CCDC92B: variants seen among roughly 807,000 people sequenced by gnomAD.
CCDC92B encodes the protein coiled-coil domain containing 92B.
In CCDC92B, 2 loss-of-function variants were observed where a neutral mutation model predicts 5.6. The observed-to-expected ratio is 0.36, with a 90% confidence interval of 0.15 to 1.12. The LOEUF (loss-of-function observed/expected upper bound fraction) is 1.12. Among genes scored for constraint, CCDC92B ranks in the 50% most tolerant of loss-of-function variants. The pLI, the probability that CCDC92B is intolerant of heterozygous loss-of-function variation, is 0.40. For missense variants in CCDC92B, 271 were observed against 262.2 expected, an observed-to-expected ratio of 1.03 and a Z score of -0.23; for synonymous variants, 115 against 122.3, an observed-to-expected ratio of 0.94 and a Z score of 0.39.
intron 3 of CCDC92B, 45 bp downstream of exon 3, chr17:2,730,401 C>T: frequency 1.0e-6 from 1 of 974,208 alleles, no homozygotes; most frequent in Non-Finnish European, 1.2e-6. Flanking sequence ...AAAACTCCAG[C>T]TGTTGGGCCC....
intron 1 of CCDC92B, among the ~76,000 whole-genome samples, chr17:2,736,279 T>C (rs544409200): frequency 5.9e-5 from 9 of 151,978 alleles, no homozygotes; most frequent in African/African-American, 1.7e-4. Flanking sequence ...ATACAAAAAT[T>C]AGCCAGGCTT....
intron 1 of CCDC92B, among the ~76,000 whole-genome samples, chr17:2,744,937 C>T (rs376366396): frequency 6.6e-6 from 1 of 151,688 alleles, no homozygotes; most frequent in African/African-American, 2.4e-5. Context: ...GGCGTGGTGG[C>T]GTGTGCCTGT....
chr17:2,730,967 G>C (rs1230486014), intron 2 of CCDC92B, among the ~76,000 whole-genome samples: 2 of 152,218 alleles, frequency 1.3e-5, no homozygotes, highest in Admixed American at 1.3e-4. Context: ...GGCAGGCTCG[G>C]CAGTGGCTAC....
intron 1 of CCDC92B, chr17:2,748,436 G>A (rs939022433): frequency 1.1e-6 from 1 of 915,622 alleles, no homozygotes; most frequent in Non-Finnish European, 1.3e-6. Flanking sequence ...TTTGTTCTGT[G>A]TGTGTGTGTG....
intron 3 of CCDC92B, 147 bp downstream of exon 3, chr17:2,730,299 G>T: frequency 3.9e-6 from 1 of 258,716 alleles, no homozygotes; most frequent in Non-Finnish European, 6.0e-6. Flanking sequence ...AAGTGTGGCT[G>T]ACATCCTGCA....
At chr17:2,725,501 C>G (rs2070718461) in intron 3 of CCDC92B, among the ~76,000 whole-genome samples, 1 of 151,710 alleles carries the variant, frequency 6.6e-6, no homozygotes, top group African/African-American at 2.4e-5. Flanking sequence ...CCTTGTTCCG[C>G]CCTCGTACCT....
intron 3 of CCDC92B, among the ~76,000 whole-genome samples, chr17:2,726,212 C>G (rs1180069304): frequency 6.6e-6 from 1 of 150,614 alleles, no homozygotes; most frequent in African/African-American, 2.4e-5. Context: ...GAGTCTTGCT[C>G]TCTCGCCCAG....
intron 1 of CCDC92B, among the ~76,000 whole-genome samples, chr17:2,744,469 G>A (rs1316227214): frequency 6.6e-6 from 1 of 152,150 alleles, no homozygotes; most frequent in Non-Finnish European, 1.5e-5. Context: ...TGGGATTACA[G>A]GCATGACCTC....
chr17:2,742,854 T>G (rs575561244), intron 1 of CCDC92B, among the ~76,000 whole-genome samples: 6 of 152,298 alleles, frequency 3.9e-5, no homozygotes, highest in Non-Finnish European at 7.4e-5. Context: ...ATAAACCACA[T>G]TGCTGTTTGC....
chr17:2,723,860 C>T lies in CCDC92B; in HGVS notation c.*551G>A. 4 of 700,512 alleles carry T rather than the reference C, an allele frequency of 5.7e-6. No individual in the cohort carries two copies. Among genetic ancestry groups the T allele is most frequent in the Non-Finnish European group, 7.0e-6 (4 of 569,028 alleles). The allele number at this position is 700,512 out of a possible 1,614,324, so 43.4% of individuals were successfully genotyped here. On this transcript the variant is annotated 3_prime_UTR_variant, in exon 4 of 4. Coordinates refer to ENST00000614400, the MANE Select transcript of CCDC92B (RefSeq NM_001355573.2). ...TGTCTTCTAAAGTGTTCCGTGCTCACCTGCAAGGACCTATCGGCAGGGTCA... is the reference window on the plus strand; with the variant it reads ...TGTCTTCTAAAGTGTTCCGTGCTCATCTGCAAGGACCTATCGGCAGGGTCA...
At chr17:2,745,066 C>CAAAAAAAA (rs60179555) in intron 1 of CCDC92B, among the ~76,000 whole-genome samples, 1 of 79,348 alleles carries the variant, frequency 1.3e-5, no homozygotes, top group Non-Finnish European at 2.3e-5. Flanking sequence ...GACCCTGTCT[C>CAAAAAAAA]AAAAAAAAAA....
intron 1 of CCDC92B, among the ~76,000 whole-genome samples, chr17:2,745,050 C>G (rs1323920333): frequency 2.8e-5 from 3 of 105,736 alleles, no homozygotes; most frequent in Non-Finnish European, 5.3e-5. Flanking sequence ...GGGTGACAGA[C>G]AGTGAGACCC....
intron 1 of CCDC92B, among the ~76,000 whole-genome samples, chr17:2,748,827 G>C (rs1360279749): frequency 2.0e-5 from 3 of 152,202 alleles, no homozygotes; most frequent in Non-Finnish European, 2.9e-5. Context: ...AGGTGGGGCC[G>C]CTTGGCCAGT....
intron 1 of CCDC92B, among the ~76,000 whole-genome samples, chr17:2,738,715 G>A (rs1306834706): frequency 2.0e-5 from 3 of 149,846 alleles, no homozygotes; most frequent in Non-Finnish European, 3.0e-5. Flanking sequence ...AGCTGAGATC[G>A]CGCCACTGCA....
intron 1 of CCDC92B, among the ~76,000 whole-genome samples, chr17:2,742,603 T>G (rs1286552200): frequency 1.3e-5 from 2 of 152,188 alleles, no homozygotes; most frequent in East Asian, 3.8e-4. Context: ...TTTCATCCTC[T>G]TTCACCATGA....
At chr17:2,735,654 C>G (rs1354219185) in intron 1 of CCDC92B, among the ~76,000 whole-genome samples, 1 of 152,192 alleles carries the variant, frequency 6.6e-6, no homozygotes, top group Non-Finnish European at 1.5e-5. Flanking sequence ...TGGTCTTGAA[C>G]TCCTAACCTC....
At chr17:2,748,526 G>T in intron 1 of CCDC92B, 1 of 982,472 alleles carries the variant, frequency 1.0e-6, no homozygotes, top group Non-Finnish European at 1.2e-6. Flanking sequence ...GTGTGTGTGT[G>T]TGTGTGTGTG....
intron 1 of CCDC92B, 27 bp from the exon 2 acceptor site, chr17:2,735,195 C>A (rs768209800): frequency 7.0e-5 from 69 of 985,516 alleles, no homozygotes; most frequent in Non-Finnish European, 8.3e-5. Flanking sequence ...GGTGAACCCA[C>A]CTCTTCTGAG....
Position 2,730,576 on chromosome 17 carries a change from A to T in CCDC92B, c.131-83T>A, listed in dbSNP as rs1479464534. 2.1e-3 allele frequency: 1,204 copies of T among 583,908 alleles called. 5 individuals are homozygous for T. The highest frequency in any genetic ancestry group is 4.5e-3 in the Admixed American group (59 of 13,188). The allele number at this position is 583,908 out of a possible 1,614,324, so 36.2% of individuals were successfully genotyped here. On this transcript the variant is annotated intron_variant, in intron 2 of 3. Transcript: ENST00000614400. ...GTGTGTGTGTGTGAGAGAGAGAGAG[A>T]GAGAGAGAGATCATGGAATTACAGC... is the stretch of plus-strand genomic sequence containing the variant.
Sources: allele counts gnomAD v4.1 joint callset (sites outside exome capture counted in the v4.1 genomes callset), GRCh38; gene constraint gnomAD v4.1.1; transcripts MANE v1.5; gene names NCBI Gene and HGNC (gene_info 2026-07-23, HGNC 2026-07-21).